The following STAB2 variants were observed in gnomAD, a reference collection of about 807,000 sequenced individuals.
STAB2 encodes stabilin-2.
STAB2 carries 288 observed loss-of-function variants against 338.1 expected under a neutral mutation model. That is an observed-to-expected ratio of 0.85 (90% confidence interval 0.77 to 0.94). The LOEUF is 0.94. Among genes scored for constraint, STAB2 ranks in the 40% least tolerant of loss-of-function variants. The pLI, the probability that STAB2 is intolerant of heterozygous loss-of-function variation, is 0.00. For synonymous variants in STAB2, 1,202 were observed against 1,193.3 expected (o/e 1.01, Z -0.15); for missense variants, 3,141 against 3,210.1 (o/e 0.98, Z 0.52).
rs769902788 is a variant in STAB2 at position 103,640,252 on chromosome 12, A to G, written c.1036A>G (p.Thr346Ala). 1.9e-6 allele frequency: 3 copies of G among 1,612,252 alleles called. No individual in the cohort carries two copies. The highest frequency in any genetic ancestry group is 2.5e-6 in the Non-Finnish European group (3 of 1,178,954). The change falls in exon 9 of 69, where the codon ACT (threonine) becomes GCT (alanine). Residue 346 changes from threonine (T) to alanine (A), a missense_variant. By Grantham distance (58) the Thr-to-Ala change is moderately conservative. Coordinates refer to ENST00000388887, the MANE Select transcript of STAB2 (RefSeq NM_017564.10). ...ANCTTVAPGR[T>A]ECICQKGYVG... is the part of the protein sequence containing the mutation. The stretch of plus-strand genomic sequence containing the variant: ...TTGCACCACCGTCGCACCAGGCCGA[A>G]CTGAGTAAGTCTTTTCAATTCCTCC...
At chr12:103,740,274 C>A (rs1882476688) in intron 54 of STAB2, among the ~76,000 whole-genome samples, 1 of 152,114 alleles carries the variant, frequency 6.6e-6, no homozygotes, top group Admixed American at 6.6e-5. Flanking sequence ...CCCTCCCTGC[C>A]TACAATTTGG....
chr12:103,648,010 A>G (rs1873458295), intron 9 of STAB2, among the ~76,000 whole-genome samples: 1 of 152,262 alleles, frequency 6.6e-6, no homozygotes, highest in Non-Finnish European at 1.5e-5. Context: ...AACAGTGAAC[A>G]AATACACACA....
intron 37 of STAB2, among the ~76,000 whole-genome samples, chr12:103,705,987 C>T (rs551147505): frequency 2.7e-4 from 41 of 152,284 alleles, no homozygotes; most frequent in African/African-American, 9.9e-4. Context: ...GCTAATGGGA[C>T]CACCCTGTTC....
chr12:103,636,459 T>G (rs1957549550), intron 6 of STAB2, among the ~76,000 whole-genome samples: 1 of 151,684 alleles, frequency 6.6e-6, no homozygotes, highest in African/African-American at 2.4e-5. Flanking sequence ...TTGCCCATTT[T>G]TTAAAAAAAA....
In STAB2 at chr12:103,766,711, A is replaced by C; in HGVS notation, c.*375A>C. ...TGTGCACAATAAAGGTTTATGGAAC[A>C]GAAACAAAGTCAACAGAACAAACCT... On this transcript the variant is annotated 3_prime_UTR_variant, in exon 69 of 69. Transcript: ENST00000388887. 5.4e-6 allele frequency: 1 copy of C among 185,176 alleles called. No homozygotes were observed. Among genetic ancestry groups the C allele is most frequent in the Admixed American group, 5.3e-5 (1 of 18,762 alleles). The allele number at this position is 185,176 out of a possible 1,614,324, so 11.5% of individuals were successfully genotyped here. A position where few individuals can be genotyped will look rare whatever the true frequency, so the allele number is the denominator to read the frequency against.
chr12:103,616,882 T>G (rs17034225), intron 3 of STAB2, among the ~76,000 whole-genome samples: 1 of 152,106 alleles, frequency 6.6e-6, no homozygotes, highest in African/African-American at 2.4e-5. Flanking sequence ...CTCAACAATA[T>G]GAGTGAACTC....
At chr12:103,681,304 A>C (rs971444259) in intron 25 of STAB2, among the ~76,000 whole-genome samples, 3 of 152,164 alleles carry the variant, frequency 2.0e-5, no homozygotes, top group Non-Finnish European at 4.4e-5. Context: ...AAAGGAAAAA[A>C]AAAATGACTT....
At chr12:103,712,344 C>G in intron 40 of STAB2, 23 bp from the exon 41 acceptor site, 1 of 1,596,146 alleles carries the variant, frequency 6.3e-7, no homozygotes, top group African/African-American at 1.3e-5. Flanking sequence ...TCTACAAACC[C>G]CATTTGTCCT....
chr12:103,588,089 C>A (rs1255725814), intron 1 of STAB2, among the ~76,000 whole-genome samples: 1 of 152,128 alleles, frequency 6.6e-6, no homozygotes, highest in Non-Finnish European at 1.5e-5. Context: ...ATCAGCACAC[C>A]GAACCCTCAA....
chr12:103,678,515 C>A (rs1448347188), intron 25 of STAB2, among the ~76,000 whole-genome samples: 1 of 152,136 alleles, frequency 6.6e-6, no homozygotes, highest in Non-Finnish European at 1.5e-5. Context: ...TTTACCCAGA[C>A]AAATGGAGAT....
intron 6 of STAB2, among the ~76,000 whole-genome samples, chr12:103,632,963 T>C (rs1403882199): frequency 6.6e-6 from 1 of 152,218 alleles, no homozygotes; most frequent in African/African-American, 2.4e-5. Flanking sequence ...AGTCAGCAAA[T>C]GCAAACTCAT....
intron 3 of STAB2, among the ~76,000 whole-genome samples, chr12:103,602,843 T>A (rs1170308577): frequency 6.6e-6 from 1 of 152,244 alleles, no homozygotes; most frequent in Non-Finnish European, 1.5e-5. Flanking sequence ...CTGTGTCTTG[T>A]CTTTCCAGTC....
intron 51 of STAB2, among the ~76,000 whole-genome samples, chr12:103,734,735 G>A (rs1355109382): frequency 6.6e-6 from 1 of 152,196 alleles, no homozygotes; most frequent in Non-Finnish European, 1.5e-5. Context: ...AGCCACAGAA[G>A]TGGTTTTTTT....
chr12:103,640,496 T>A (rs547742742), intron 9 of STAB2, among the ~76,000 whole-genome samples: 1 of 152,218 alleles, frequency 6.6e-6, no homozygotes, highest in African/African-American at 2.4e-5. Flanking sequence ...TGTGGCCTGA[T>A]AACTTGATAT....
chr12:103,673,122 G>A (rs1875972768), intron 22 of STAB2, among the ~76,000 whole-genome samples: 1 of 152,140 alleles, frequency 6.6e-6, no homozygotes, highest in Non-Finnish European at 1.5e-5. Flanking sequence ...ATGTGATAGA[G>A]TGAAAAACAA....
intron 9 of STAB2, among the ~76,000 whole-genome samples, chr12:103,643,799 G>T (rs1471427044): frequency 6.6e-6 from 1 of 151,876 alleles, no homozygotes; most frequent in East Asian, 1.9e-4. Flanking sequence ...AATAAATGCT[G>T]GCTATTAGCC....
chr12:103,742,681 T>C, intron 56 of STAB2, 127 bp downstream of exon 56: 1 of 1,437,118 alleles, frequency 7.0e-7, no homozygotes, highest in Non-Finnish European at 9.5e-7. Context: ...CCCTCCAATC[T>C]GCCTGCCCTA....
chr12:103,727,349 G>C lies in STAB2; in HGVS notation c.4934G>C (p.Arg1645Pro). 1 of 1,614,194 alleles carries C rather than the reference G, an allele frequency of 6.2e-7. No homozygotes were observed. The highest frequency in any genetic ancestry group is 1.1e-5 in the South Asian group (1 of 91,082). Residue 1645 changes from arginine (R) to proline (P), a missense_variant and splice_region_variant, in exon 47 of 69, where the codon CGG becomes CCG. Transcript: ENST00000388887. ...TCTGCAGCCTTTGATGAGGAAGCTC[G>C]GGTGAGCATGAGACTGTGGGCAGAA... The part of the protein sequence containing the change: ...PLSAAFDEEA[R>P]VKDWDKYGLM...
chr12:103,716,491 A>G (rs1166749809), intron 43 of STAB2, among the ~76,000 whole-genome samples: 1 of 152,230 alleles, frequency 6.6e-6, no homozygotes, highest in Non-Finnish European at 1.5e-5. Flanking sequence ...CCAGACAGGA[A>G]ATCACATATA....
Sources: allele counts gnomAD v4.1 joint callset (sites outside exome capture counted in the v4.1 genomes callset), GRCh38; gene constraint gnomAD v4.1.1; transcripts MANE v1.5; gene names NCBI Gene and HGNC (gene_info 2026-07-23, HGNC 2026-07-21).